The following GREB1 variants were observed in gnomAD, a reference collection of about 807,000 sequenced individuals.
GREB1 encodes the protein growth regulating estrogen receptor binding 1.
In GREB1, 106 loss-of-function variants were observed where a neutral mutation model predicts 200.7. The observed-to-expected ratio is 0.53, with a 90% CI of 0.45 to 0.62. The LOEUF (loss-of-function observed/expected upper bound fraction) is 0.62, where lower values mean the gene tolerates loss of function less well. Among genes scored for constraint, GREB1 ranks in the 20% least tolerant of loss-of-function variants. The pLI is 0.00. For missense variants in GREB1, 2,243 were observed against 2,556.8 expected (o/e 0.88, Z 2.65); for synonymous variants, 1,132 against 1,092.4 (o/e 1.04, Z -0.72).
chr2:11,560,237 A>G (rs1265088532), intron 2 of GREB1, among the ~76,000 whole-genome samples: 1 of 152,194 alleles, frequency 6.6e-6, no homozygotes, highest in Admixed American at 6.5e-5. Flanking sequence ...CCAGGCTAGT[A>G]TGGAAACTTG....
chr2:11,531,832 A>G (rs1253833354), upstream of GREB1, among the ~76,000 whole-genome samples: 1 of 152,174 alleles, frequency 6.6e-6, no homozygotes, highest in Non-Finnish European at 1.5e-5. Context: ...CGGCCTCCCA[A>G]AGTGCTGGGA....
intron 30 of GREB1, among the ~76,000 whole-genome samples, chr2:11,636,227 C>G (rs761845451): frequency 4.4e-4 from 67 of 152,324 alleles, no homozygotes; most frequent in Admixed American, 9.8e-4. Flanking sequence ...CTTACAGCAT[C>G]ATTGAGATCT....
intron 18 of GREB1, 63 bp downstream of exon 18, chr2:11,611,090 A>C (rs1682880289): frequency 7.4e-7 from 1 of 1,355,062 alleles, no homozygotes; most frequent in Admixed American, 2.4e-5. Context: ...TGAGGGGCCC[A>C]CCAGAGGCAG....
At chr2:11,565,909 G>A (rs571614643) in intron 3 of GREB1, among the ~76,000 whole-genome samples, 21 of 152,048 alleles carry the variant, frequency 1.4e-4, no homozygotes, top group Admixed American at 4.6e-4. Context: ...TCCGTTTGCC[G>A]TCATGTGTTT....
In GREB1 at chr2:11,516,123, C is replaced by T. The variant is rs560516790; in HGVS notation, c.-159+33742C>T. Among the ~76,000 whole-genome samples the T allele has an allele frequency of 6.6e-5, 10 of 152,256 alleles. No individual in the cohort carries two copies. The South Asian group carries it at 1.5e-3, about 22-fold the overall frequency. ...GGAAGAAGTGCTGTCTGTCTCACACCCGATCTTTAGACTTGGACATCACTC... is the reference window on the plus strand; with the variant it reads ...GGAAGAAGTGCTGTCTGTCTCACACTCGATCTTTAGACTTGGACATCACTC... On this transcript the variant is annotated intron_variant, in intron 1 of 2. Coordinates refer to the GREB1 transcript ENST00000628795.
At chr2:11,484,402 A>G (rs1672595000) in intron 1 of GREB1, among the ~76,000 whole-genome samples, 1 of 152,164 alleles carries the variant, frequency 6.6e-6, no homozygotes, top group Non-Finnish European at 1.5e-5. Context: ...TCCCAGCTGC[A>G]GTTCATGAGG....
rs116717904 is a variant in GREB1, at chr2:11,584,594, C to A, written c.902-567C>A. On this transcript the variant is annotated intron_variant, in intron 7 of 32. Transcript: ENST00000381486. ...TGATGATGTGGGTAATTCTGGCTAC[C>A]TTATTGGGTCCAAGCTCCCCACAAT... Among the ~76,000 whole-genome samples the A allele has an allele frequency of 2.0e-5, 3 of 152,286 alleles. No homozygotes were observed. In the East Asian group the frequency reaches 5.8e-4, roughly 29 times the overall value.
intron 1 of GREB1, among the ~76,000 whole-genome samples, chr2:11,522,056 G>A (rs1673722578): frequency 6.6e-6 from 1 of 152,210 alleles, no homozygotes. Flanking sequence ...GGTAGACGAA[G>A]AGGAGCACAG....
intron 1 of GREB1, among the ~76,000 whole-genome samples, chr2:11,498,127 T>A (rs1196594169): frequency 2.6e-5 from 4 of 151,966 alleles, no homozygotes; most frequent in African/African-American, 9.6e-5. Flanking sequence ...AAGTCCAATG[T>A]ATCCACTTTT....
chr2:11,640,618 T>A lies in GREB1; in HGVS notation c.*164T>A, dbSNP rs1685751759. ...ACATGGGCCCCCGAGGCCGTGGTCCTGGGAGCCAGGAAGACTCCGCAGTGG... is the reference window on the plus strand; with the variant it reads ...ACATGGGCCCCCGAGGCCGTGGTCCAGGGAGCCAGGAAGACTCCGCAGTGG... On this transcript the variant is annotated 3_prime_UTR_variant, in exon 33 of 33. Coordinates refer to ENST00000381486, the MANE Select transcript of GREB1 (RefSeq NM_014668.4). The surrounding 1 kb of genome is among the most constrained non-coding windows in gnomAD (Gnocchi z 4.6). The A allele has an allele frequency of 2.7e-6, 2 of 742,390 alleles. No homozygotes were observed. The highest frequency in any genetic ancestry group is 4.3e-6 in the Non-Finnish European group (2 of 461,210). The allele number at this position is 742,390 out of a possible 1,614,324, so 46.0% of individuals were successfully genotyped here. A position where few individuals can be genotyped will look rare whatever the true frequency, so the allele number is the denominator to read the frequency against.
At chr2:11,573,299 G>A (rs1047394404) in intron 4 of GREB1, among the ~76,000 whole-genome samples, 1 of 152,210 alleles carries the variant, frequency 6.6e-6, no homozygotes, top group African/African-American at 2.4e-5. Context: ...ATCACAGGGT[G>A]TGGCTGTGCG....
At chr2:11,499,562 G>A (rs1454830329) in intron 1 of GREB1, among the ~76,000 whole-genome samples, 2 of 152,220 alleles carry the variant, frequency 1.3e-5, no homozygotes, top group African/African-American at 4.8e-5. Context: ...ACTTACATCA[G>A]TCTCTTTTGT....
chr2:11,572,589 C>T (rs1678423410), intron 4 of GREB1, among the ~76,000 whole-genome samples: 2 of 152,104 alleles, frequency 1.3e-5, no homozygotes, highest in South Asian at 2.1e-4. Context: ...GGAGCTGCTT[C>T]CTCCACATCT....
chr2:11,592,856 C>A lies in GREB1; in HGVS notation c.1426C>A (p.Arg476=). The A allele has an allele frequency of 6.2e-7, 1 of 1,600,104 alleles. No individual in the cohort carries two copies. The highest frequency in any genetic ancestry group is 2.3e-5 in the East Asian group (1 of 43,826). Residue 476 remains arginine (R), a synonymous_variant, in exon 11 of 33, where the codon CGG becomes AGG. Transcript: ENST00000381486. ...GCGCGAGTCGCACCTGACCGAGATC[C>A]GGCAGTACCAGCAGGCGCCGCCGCA... ...SWRESHLTEI[R]QYQQAPPQPF... is the part of the protein sequence containing the mutation.
At chr2:11,617,287 C>T (rs1683496154) in intron 21 of GREB1, among the ~76,000 whole-genome samples, 2 of 152,212 alleles carry the variant, frequency 1.3e-5, no homozygotes, top group African/African-American at 2.4e-5. Flanking sequence ...GAGGGCAGAG[C>T]CCCTGGTGAG....
intron 30 of GREB1, among the ~76,000 whole-genome samples, chr2:11,636,755 G>T (rs866835003): frequency 2.2e-5 from 3 of 135,622 alleles, no homozygotes; most frequent in African/African-American, 5.2e-5. Flanking sequence ...GGCATGGGCA[G>T]GGGCAAGGGC....
At chr2:11,590,913 G>A (rs570011797) in intron 10 of GREB1, among the ~76,000 whole-genome samples, 20 of 152,320 alleles carry the variant, frequency 1.3e-4, no homozygotes, top group African/African-American at 4.8e-4. Flanking sequence ...CAGTGTGGCC[G>A]GGAGTTGAGT....
chr2:11,634,360 G>A lies in GREB1; in HGVS notation c.5210+11G>A. ...GTACAACCAGAACCGGTGAGCTCCTGCACCTGGGGCAGAGGCGGCGGCAGC... is the reference window on the plus strand; with the variant it reads ...GTACAACCAGAACCGGTGAGCTCCTACACCTGGGGCAGAGGCGGCGGCAGC... On this transcript the variant is annotated intron_variant, in intron 29 of 32. Coordinates refer to ENST00000381486, the MANE Select transcript of GREB1 (RefSeq NM_014668.4). 1 of 1,606,450 alleles carries A rather than the reference G, an allele frequency of 6.2e-7. No homozygotes were observed.
At chr2:11,598,330 T>C (rs1343891041) in intron 14 of GREB1, among the ~76,000 whole-genome samples, 1 of 152,246 alleles carries the variant, frequency 6.6e-6, no homozygotes, top group East Asian at 1.9e-4. Context: ...TCTTTAGTGG[T>C]GTCATGTATC....
Sources: allele counts gnomAD v4.1 joint callset (sites outside exome capture counted in the v4.1 genomes callset), GRCh38; gene constraint gnomAD v4.1.1; non-coding constraint Gnocchi (gnomAD v3.1); transcripts MANE v1.5; gene names NCBI Gene and HGNC (gene_info 2026-07-23, HGNC 2026-07-21).